OOEP: variants seen among roughly 807,000 people sequenced by gnomAD.
OOEP encodes the protein oocyte-expressed protein homolog.
Under a neutral mutation model 13.7 loss-of-function variants are expected in OOEP, and 16 were observed. That is an observed-to-expected ratio of 1.16 (90% CI 0.79 to 1.77). OOEP has a LOEUF of 1.77. Among genes scored for constraint, OOEP ranks in the 40% most tolerant of loss-of-function variants. OOEP has a pLI of 0.00. For synonymous variants in OOEP, 89 were observed against 77.1 expected (o/e 1.15, Z -0.81); for missense variants, 195 against 193.1 (o/e 1.01, Z -0.06).
Position 73,369,821 on chromosome 6 carries a change from C to G in OOEP, c.-29G>C, listed in dbSNP as rs1278647648. On this transcript the variant is annotated 5_prime_UTR_variant, in exon 1 of 3. Coordinates refer to ENST00000370359, the MANE Select transcript of OOEP (RefSeq NM_001080507.3). ...GGGACCAGCAGCCGCGGAGCGCGCT[C>G]GAGGCGGCTTTCGCAAGACCTCTTC... 3.8e-6 allele frequency: 6 copies of G among 1,598,152 alleles called. No homozygotes were observed. In the African/African-American group the frequency reaches 5.4e-5, roughly 14 times the overall value.
At position 73,388,853 on chromosome 6, in the gene OOEP, C is replaced by T. The variant is rs1193844017; in HGVS notation, c.25+5493G>A. Among the ~76,000 whole-genome samples, 2 of 152,146 alleles carry T rather than the reference C, an allele frequency of 1.3e-5. 1 individual carries two copies. On this transcript the variant is annotated intron_variant, in intron 2 of 3. Coordinates refer to the OOEP transcript ENST00000370363. Reference sequence around the variant, plus strand: ...TTTCCAAAATCAGCGCCTGCTGCTCCGAGAGCCAAGGGTGCGGTGTTTGCT... The same window carrying T: ...TTTCCAAAATCAGCGCCTGCTGCTCTGAGAGCCAAGGGTGCGGTGTTTGCT...
At chr6:73,371,761 A>T (rs796107007), upstream of OOEP, among the ~76,000 whole-genome samples, 5,735 of 151,352 alleles carry the variant, frequency 0.038, 355 homozygotes, top group African/African-American at 0.12. Context: ...AAAAATAAAA[A>T]AAAATAAAAA....
chr6:73,378,745 T>C (rs1390072063), intron 2 of OOEP, among the ~76,000 whole-genome samples: 1 of 151,714 alleles, frequency 6.6e-6, no homozygotes, highest in Non-Finnish European at 1.5e-5. Flanking sequence ...ATGCCTGTGG[T>C]CCCAGCTACT....
rs918586569 is a variant in OOEP at position 73,369,849 on chromosome 6, G to A, written c.-57C>T. 34 of 1,506,036 alleles carry A rather than the reference G, an allele frequency of 2.3e-5. No individual in the cohort carries two copies. The highest frequency in any genetic ancestry group is 2.7e-5 in the African/African-American group (2 of 72,798). The allele number at this position is 1,506,036 out of a possible 1,614,324, so 93.3% of individuals were successfully genotyped here. ...GGCGGCTTTCGCAAGACCTCTTCCA[G>A]ACCCAGGCGCGAAGCTCGGGCTCTC... On this transcript the variant is annotated 5_prime_UTR_variant, in exon 1 of 3. Transcript: ENST00000370359.
chr6:73,393,710 C>T (rs1449181146), intron 2 of OOEP, among the ~76,000 whole-genome samples: 3 of 152,084 alleles, frequency 2.0e-5, no homozygotes, highest in African/African-American at 4.8e-5. Flanking sequence ...CCCAACTATT[C>T]GGGAGGCTGT....
At chr6:73,373,083 T>C (rs1769085496), upstream of OOEP, 2 of 1,559,264 alleles carry the variant, frequency 1.3e-6, no homozygotes, top group African/African-American at 1.4e-5. Context: ...AGCATAAATA[T>C]GTGTGCCATC....
intron 2 of OOEP, among the ~76,000 whole-genome samples, chr6:73,377,205 T>C (rs1309682789): frequency 6.6e-6 from 1 of 152,124 alleles, no homozygotes; most frequent in Non-Finnish European, 1.5e-5. Context: ...TCCAAGGAAG[T>C]TTCTAGAGCT....
At chr6:73,379,654 A>AC (rs1222983193) in intron 2 of OOEP, among the ~76,000 whole-genome samples, 3 of 137,998 alleles carry the variant, frequency 2.2e-5, no homozygotes, top group Non-Finnish European at 4.6e-5. Context: ...AAAAAAAAAA[A>AC]AAAAAAAGTG....
At chr6:73,394,654 G>T (rs1769419853) in intron 1 of OOEP, 1 of 578,486 alleles carries the variant, frequency 1.7e-6, no homozygotes. Flanking sequence ...CTACTTCAAG[G>T]CACACTCCCA....
At chr6:73,387,357 GA>G (rs1769287552) in intron 2 of OOEP, among the ~76,000 whole-genome samples, 1 of 151,168 alleles carries the variant, frequency 6.6e-6, no homozygotes, top group Non-Finnish European at 1.5e-5. Context: ...AAAAATACAA[GA>G]AAAAAATTAG....
chr6:73,381,178 A>G (rs1769203244), intron 2 of OOEP, among the ~76,000 whole-genome samples: 2 of 148,674 alleles, frequency 1.3e-5, no homozygotes, highest in Admixed American at 1.4e-4. Flanking sequence ...GAAAAAGTCA[A>G]AAAGATGAAA....
chr6:73,394,895 T>C (rs1769429372), exon 1 of OOEP: 1 of 1,613,542 alleles, frequency 6.2e-7, no homozygotes, highest in Non-Finnish European at 8.5e-7. Context: ...GACGCGCCCC[T>C]TCTTGGAACA....
intron 2 of OOEP, among the ~76,000 whole-genome samples, chr6:73,392,611 T>C (rs1769362290): frequency 1.5e-5 from 2 of 137,434 alleles, no homozygotes; most frequent in East Asian, 2.2e-4. Context: ...GCCTATTTCC[T>C]AGGTAATCTT....
At chr6:73,383,177 C>G (rs1053077004) in intron 2 of OOEP, among the ~76,000 whole-genome samples, 1 of 152,036 alleles carries the variant, frequency 6.6e-6, no homozygotes, top group African/African-American at 2.4e-5. Context: ...ACAAGCAGTT[C>G]GCCTAAAAGA....
At chr6:73,382,180 T>TG (rs1468518035) in intron 2 of OOEP, among the ~76,000 whole-genome samples, 1 of 150,504 alleles carries the variant, frequency 6.6e-6, no homozygotes, top group Non-Finnish European at 1.5e-5. Context: ...CCCTAGTACC[T>TG]GCGACCACAG....
chr6:73,379,974 G>A (rs966434850), intron 2 of OOEP, among the ~76,000 whole-genome samples: 2 of 152,092 alleles, frequency 1.3e-5, no homozygotes, highest in Admixed American at 6.6e-5. Context: ...AGATAATTGT[G>A]GACACTATTC....
chr6:73,370,972 T>G (rs550700219), upstream of OOEP, among the ~76,000 whole-genome samples: 1 of 152,158 alleles, frequency 6.6e-6, no homozygotes, highest in South Asian at 2.1e-4. Context: ...TTGTTGTTGT[T>G]GTTGTTTGTC....
intron 2 of OOEP, among the ~76,000 whole-genome samples, chr6:73,375,269 C>A (rs1769121982): frequency 6.6e-6 from 1 of 152,140 alleles, no homozygotes; most frequent in Admixed American, 6.6e-5. Context: ...CTTTTCCCAG[C>A]TGAGAGAACA....
upstream of OOEP, chr6:73,369,994 A>G (rs538690856): frequency 4.5e-5 from 26 of 577,056 alleles, no homozygotes; most frequent in East Asian, 4.3e-4. Context: ...CGCTGCTTCA[A>G]TCGCCGGGAT....
Sources: gnomAD v4.1 joint callset for allele counts (sites outside exome capture counted in the v4.1 genomes callset) on GRCh38, gnomAD v4.1.1 for gene constraint, MANE v1.5 for transcripts, NCBI Gene and HGNC (gene_info 2026-07-23, HGNC 2026-07-21) for gene names.